Variants in SDK1 observed in about 807,000 individuals in gnomAD.
SDK1 encodes protein sidekick-1.
A neutral mutation model predicts 245.5 loss-of-function variants in SDK1; 157 were observed. The observed-to-expected ratio is 0.64, with a 90% CI of 0.56 to 0.73. The LOEUF (loss-of-function observed/expected upper bound fraction) is 0.73. Ranked by LOEUF, SDK1 falls within the 30% of genes least tolerant of loss-of-function variation. The pLI is 0.00. For missense variants in SDK1, 3,583 were observed against 3,002.3 expected, an observed-to-expected ratio of 1.19 and a Z score of -4.52; for synonymous variants, 1,647 against 1,278.5, an observed-to-expected ratio of 1.29 and a Z score of -6.15.
At chr7:3,748,234 T>C (rs536394818) in intron 4 of SDK1, among the ~76,000 whole-genome samples, 1 of 152,344 alleles carries the variant, frequency 6.6e-6, no homozygotes, top group African/African-American at 2.4e-5. Flanking sequence ...TACACTGAAC[T>C]CTAAATTGTT....
intron 27 of SDK1, among the ~76,000 whole-genome samples, chr7:4,131,119 A>G (rs1019488304): frequency 2.0e-5 from 3 of 152,196 alleles, no homozygotes; most frequent in Non-Finnish European, 2.9e-5. Flanking sequence ...TTGCAAAACT[A>G]TCTCCTGCTC....
At chr7:4,077,468 C>T (rs1780766729) in intron 21 of SDK1, among the ~76,000 whole-genome samples, 1 of 152,166 alleles carries the variant, frequency 6.6e-6, no homozygotes, top group Admixed American at 6.6e-5. Flanking sequence ...AGCCAGTTCC[C>T]AATGCATATC....
intron 1 of SDK1, among the ~76,000 whole-genome samples, chr7:3,375,355 T>A (rs1016686971): frequency 6.6e-6 from 1 of 152,104 alleles, no homozygotes; most frequent in East Asian, 1.9e-4. Context: ...CAAGTACATA[T>A]GGGGGTTTAG....
chr7:3,709,767 A>C (rs1160268808), intron 4 of SDK1, among the ~76,000 whole-genome samples: 1 of 152,222 alleles, frequency 6.6e-6, no homozygotes, highest in Non-Finnish European at 1.5e-5. Context: ...ACATTTGCCT[A>C]GGTACTTTGC....
intron 4 of SDK1, among the ~76,000 whole-genome samples, chr7:3,696,352 C>A (rs1020313540): frequency 6.6e-6 from 1 of 152,006 alleles, no homozygotes; most frequent in East Asian, 1.9e-4. Flanking sequence ...TTGCTGTGCC[C>A]TGACGTCCAA....
At position 3,472,015 on chromosome 7, in the gene SDK1, G is replaced by A. The variant is rs114418768; in HGVS notation, c.299-147065G>A. Among the ~76,000 whole-genome samples the A allele has an allele frequency of 3.8e-3, 585 of 152,110 alleles. 4 individuals are homozygous for A. The highest frequency in any genetic ancestry group is 0.013 in the African/African-American group (557 of 41,490). On this transcript the variant is annotated intron_variant, in intron 1 of 44. Transcript: ENST00000404826. ...TAGTCTTGAGCATTTTTTCACTTTT[G>A]TAATCGGTATGACCCTCTTGTGTTT...
At position 3,850,134 on chromosome 7, in the gene SDK1, A is replaced by G. The variant is rs146481997; in HGVS notation, c.847+28551A>G. Among the ~76,000 whole-genome samples, 43 of 152,292 alleles carry G rather than the reference A, an allele frequency of 2.8e-4. No individual in the cohort carries two copies. The East Asian group carries it at 8.1e-3, about 29-fold the overall frequency. ...CCTGTGACAAAAGCCAGGTAGGAGA[A>G]TGAAGAGCACCTGCCCTGGGAATGG... is the stretch of plus-strand genomic sequence containing the variant. On this transcript the variant is annotated intron_variant, in intron 5 of 44. Coordinates refer to ENST00000404826, the MANE Select transcript of SDK1 (RefSeq NM_152744.4).
intron 1 of SDK1, among the ~76,000 whole-genome samples, chr7:3,388,386 G>C (rs1421269873): frequency 6.8e-6 from 1 of 147,734 alleles, no homozygotes; most frequent in Non-Finnish European, 1.5e-5. Flanking sequence ...TGTGATTGAA[G>C]ATTAAAAAAA....
intron 1 of SDK1, among the ~76,000 whole-genome samples, chr7:3,391,164 G>A (rs551664304): frequency 6.6e-6 from 1 of 152,222 alleles, no homozygotes; most frequent in African/African-American, 2.4e-5. Context: ...TGGACTAGAA[G>A]GAAGGTTACA....
chr7:3,848,891 C>G (rs1295402712), intron 5 of SDK1, among the ~76,000 whole-genome samples: 2 of 152,126 alleles, frequency 1.3e-5, no homozygotes, highest in African/African-American at 4.8e-5. Context: ...AGGCTGGTCT[C>G]GAACTCCTGA....
intron 5 of SDK1, among the ~76,000 whole-genome samples, chr7:3,937,432 C>A (rs1462735523): frequency 1.3e-5 from 2 of 152,212 alleles, no homozygotes; most frequent in South Asian, 2.1e-4. Context: ...AACCACCCAG[C>A]CTGCAGAGGC....
chr7:3,567,849 T>C (rs1779978083), intron 1 of SDK1, among the ~76,000 whole-genome samples: 1 of 152,236 alleles, frequency 6.6e-6, no homozygotes, highest in Non-Finnish European at 1.5e-5. Flanking sequence ...TCTTGCCCTG[T>C]TGCATAGGCT....
At chr7:3,974,613 C>T in intron 13 of SDK1, 68 bp downstream of exon 13, 1 of 1,480,102 alleles carries the variant, frequency 6.8e-7, no homozygotes, top group Non-Finnish European at 9.3e-7. Flanking sequence ...CTGTTAGTGA[C>T]TGCCACTTCA....
intron 4 of SDK1, among the ~76,000 whole-genome samples, chr7:3,695,257 C>G (rs890590435): frequency 6.6e-6 from 1 of 152,166 alleles, no homozygotes; most frequent in African/African-American, 2.4e-5. Context: ...TAAACACTTG[C>G]AGGAGGATAG....
intron 5 of SDK1, among the ~76,000 whole-genome samples, chr7:3,936,883 G>C (rs1490815867): frequency 6.6e-6 from 1 of 152,158 alleles, no homozygotes; most frequent in Non-Finnish European, 1.5e-5. Flanking sequence ...AATGGAGAGA[G>C]CTGTTACAGG....
At chr7:4,073,593 G>T (rs1780409516) in intron 20 of SDK1, among the ~76,000 whole-genome samples, 1 of 152,200 alleles carries the variant, frequency 6.6e-6, no homozygotes, top group Non-Finnish European at 1.5e-5. Context: ...CAGACAAGTT[G>T]TAATATTAAA....
In SDK1 at chr7:3,387,310, C is replaced by A. The variant is rs765038495; in HGVS notation, c.298+85426C>A. ...GCCCTCATCCTCCCTCCCCACCAAC[C>A]CCTGAATTCCTTTAGAGATTCCTCA... On this transcript the variant is annotated intron_variant, in intron 1 of 44. Transcript: ENST00000404826. 1.1e-4 allele frequency among the ~76,000 whole-genome samples: 16 copies of A among 152,260 alleles called. No homozygotes were observed. In the East Asian group the frequency reaches 2.1e-3, roughly 20 times the overall value.
intron 22 of SDK1, among the ~76,000 whole-genome samples, chr7:4,083,528 C>T: frequency 1.2e-5 from 1 of 86,256 alleles, no homozygotes. Flanking sequence ...TTCCACTCCT[C>T]CCTCCCTCCC....
chr7:3,962,253 C>T (rs1781757408), intron 8 of SDK1, among the ~76,000 whole-genome samples: 1 of 152,226 alleles, frequency 6.6e-6, no homozygotes. Context: ...TGGCCTGTGT[C>T]CTGTCCTCTG....
Sources: allele counts gnomAD v4.1 joint callset (sites outside exome capture counted in the v4.1 genomes callset), GRCh38; gene constraint gnomAD v4.1.1; transcripts MANE v1.5; gene names NCBI Gene and HGNC (gene_info 2026-07-23, HGNC 2026-07-21).